Variants in CIMIP1 observed in about 807,000 individuals in gnomAD.
The protein encoded by CIMIP1 is low in lung cancer 1.
the CIMIP1 span, among the ~76,000 whole-genome samples, chr20:58,154,138 C>T: frequency 1.4e-3 from 219 of 152,270 alleles, 1 homozygote; most frequent in African/African-American, 5.0e-3. Context: ...AAAATGCTGT[C>T]GGTATTCCCT....
the CIMIP1 span, chr20:58,161,027 A>C: frequency 4.5e-6 from 2 of 444,526 alleles, no homozygotes; most frequent in Non-Finnish European, 3.9e-6. Context: ...GTCCACACCC[A>C]TTCTTGGCTA....
the CIMIP1 span, among the ~76,000 whole-genome samples, chr20:58,153,020 A>G: frequency 6.6e-6 from 1 of 152,184 alleles, no homozygotes; most frequent in Admixed American, 6.5e-5. Flanking sequence ...GGGCTCGTCT[A>G]CTGCAATGCC....
At chr20:58,151,795 T>C in the CIMIP1 span, among the ~76,000 whole-genome samples, 2 of 152,238 alleles carry the variant, frequency 1.3e-5, no homozygotes, top group Admixed American at 6.5e-5. Context: ...TTGATTCTCC[T>C]GGGTTTTTAA....
chr20:58,155,004 C>T, the CIMIP1 span, among the ~76,000 whole-genome samples: 1 of 152,220 alleles, frequency 6.6e-6, no homozygotes, highest in African/African-American at 2.4e-5. Flanking sequence ...TGGAGTCTTG[C>T]TAAGTTGCCC....
chr20:58,151,048 G>C, the CIMIP1 span: 6 of 1,592,760 alleles, frequency 3.8e-6, no homozygotes, highest in Non-Finnish European at 4.3e-6. Context: ...GCCTGGGATC[G>C]GGCAACGCGG....
chr20:58,151,618 T>C, the CIMIP1 span, among the ~76,000 whole-genome samples: 3 of 152,230 alleles, frequency 2.0e-5, no homozygotes, highest in South Asian at 6.2e-4. Context: ...TTTCACCATC[T>C]TGGCCAGGCA....
chr20:58,155,492 C>A, the CIMIP1 span: 2 of 1,614,094 alleles, frequency 1.2e-6, no homozygotes, highest in Non-Finnish European at 1.7e-6. Flanking sequence ...AGAAGATCTC[C>A]CCACCCCAAA....
At chr20:58,157,109 G>A in the CIMIP1 span, among the ~76,000 whole-genome samples, 1 of 152,060 alleles carries the variant, frequency 6.6e-6, no homozygotes, top group Admixed American at 6.5e-5. Flanking sequence ...CCACATATAG[G>A]CTCTTACCCA....
At chr20:58,151,724 T>TA in the CIMIP1 span, among the ~76,000 whole-genome samples, 5 of 151,966 alleles carry the variant, frequency 3.3e-5, no homozygotes, top group Admixed American at 6.6e-5. Context: ...AATTTTTTTT[T>TA]AAAAAAAGAA....
At chr20:58,156,846 A>T in the CIMIP1 span, among the ~76,000 whole-genome samples, 231 of 152,142 alleles carry the variant, frequency 1.5e-3, 1 homozygote, top group African/African-American at 5.3e-3. Context: ...GGGAGAGCAG[A>T]TGAAAACCCA....
At chr20:58,151,488 A>C in the CIMIP1 span, among the ~76,000 whole-genome samples, 46 of 152,056 alleles carry the variant, frequency 3.0e-4, no homozygotes, top group African/African-American at 1.1e-3. Context: ...ATCTCGGCTC[A>C]CTGCAACCTC....
chr20:58,155,133 G>A, the CIMIP1 span, among the ~76,000 whole-genome samples: 2 of 152,190 alleles, frequency 1.3e-5, no homozygotes, highest in Admixed American at 6.5e-5. Context: ...ACTTGAGTCC[G>A]TAACTGGTAA....
the CIMIP1 span, chr20:58,155,431 C>G: frequency 6.6e-7 from 1 of 1,513,590 alleles, no homozygotes; most frequent in Non-Finnish European, 9.1e-7. Flanking sequence ...CCCCCAGCTT[C>G]ACGTAAGACT....
the CIMIP1 span, among the ~76,000 whole-genome samples, chr20:58,152,309 C>G: frequency 6.6e-6 from 1 of 152,122 alleles, no homozygotes; most frequent in Non-Finnish European, 1.5e-5. Context: ...AGACCCAAAT[C>G]TAAGTGACCC....
At chr20:58,155,564 A>T in the CIMIP1 span, 1 of 1,612,686 alleles carries the variant, frequency 6.2e-7, no homozygotes, top group Non-Finnish European at 8.5e-7. Flanking sequence ...GGAGAAGTAC[A>T]TCAAGGTTTG....
At chr20:58,155,624 G>T in the CIMIP1 span, 1 of 1,441,620 alleles carries the variant, frequency 6.9e-7, no homozygotes, top group African/African-American at 1.4e-5. Flanking sequence ...TCCTAAGTAA[G>T]AAATAAGCCC....
At chr20:58,151,155 G>A in the CIMIP1 span, 1 of 893,396 alleles carries the variant, frequency 1.1e-6, no homozygotes, top group Non-Finnish European at 1.8e-6. Context: ...GGGGCAGAGG[G>A]GCGTGCGCTG....
chr20:58,160,228 C>T, the CIMIP1 span, among the ~76,000 whole-genome samples: 5 of 152,108 alleles, frequency 3.3e-5, no homozygotes, highest in African/African-American at 1.2e-4. Context: ...GTGATCTCCA[C>T]GGTTTGGAGT....
chr20:58,157,593 T>C, the CIMIP1 span, among the ~76,000 whole-genome samples: 1 of 152,226 alleles, frequency 6.6e-6, no homozygotes, highest in African/African-American at 2.4e-5. Flanking sequence ...AGCTATTATA[T>C]TAATGGCTGT....
Sources: gnomAD v4.1 joint callset for allele counts (sites outside exome capture counted in the v4.1 genomes callset) on GRCh38, gnomAD v4.1.1 for gene constraint, MANE v1.5 for transcripts, NCBI Gene and HGNC (gene_info 2026-07-23, HGNC 2026-07-21) for gene names.